Variants in NEBL observed in about 807,000 individuals in gnomAD.
NEBL encodes the protein nebulette, also known as LIM and SH3 protein 2.
In NEBL, 122 loss-of-function variants were observed where a neutral mutation model predicts 140.2. The observed-to-expected ratio is 0.87, with a 90% CI of 0.75 to 1.01. The LOEUF (loss-of-function observed/expected upper bound fraction) is 1.01, where lower values mean the gene tolerates loss of function less well. Among genes scored for constraint, NEBL ranks in the 50% least tolerant of loss-of-function variants. NEBL has a pLI of 0.00. For synonymous variants in NEBL, 436 were observed against 398.9 expected (o/e 1.09, Z -1.11); for missense variants, 1,365 against 1,231.3 (o/e 1.11, Z -1.62).
At chr10:21,239,860 C>G (rs1238739559) in intron 3 of NEBL, among the ~76,000 whole-genome samples, 1 of 151,936 alleles carries the variant, frequency 6.6e-6, no homozygotes, top group Non-Finnish European at 1.5e-5. Context: ...ACTAAAAATA[C>G]AAAAAATTAG....
intron 26 of NEBL, 46 bp from the exon 27 acceptor site, chr10:20,787,354 C>T: frequency 6.9e-7 from 1 of 1,439,734 alleles, no homozygotes; most frequent in Non-Finnish European, 9.7e-7. Flanking sequence ...TAAAGTTAGC[C>T]TCGAAATACC....
intron 2 of NEBL, among the ~76,000 whole-genome samples, chr10:21,044,409 A>AAAT (rs1297969349): frequency 6.8e-6 from 1 of 146,996 alleles, no homozygotes; most frequent in Non-Finnish European, 1.5e-5. Flanking sequence ...AAAAAAAAAA[A>AAAT]AAAAAAAAAA....
At chr10:21,050,725 G>A (rs1589176001) in intron 2 of NEBL, among the ~76,000 whole-genome samples, 1 of 152,140 alleles carries the variant, frequency 6.6e-6, no homozygotes, top group East Asian at 1.9e-4. Context: ...ATGGGTGGGA[G>A]AACAATAGTA....
intron 9 of NEBL, among the ~76,000 whole-genome samples, chr10:20,855,535 A>AAC (rs1564388470): frequency 6.6e-6 from 1 of 151,338 alleles, no homozygotes; most frequent in Admixed American, 6.6e-5. Context: ...CAAAAAAAAA[A>AAC]CGAAGGAAAA....
At chr10:21,035,273 C>T (rs1052393384) in intron 2 of NEBL, among the ~76,000 whole-genome samples, 4 of 152,144 alleles carry the variant, frequency 2.6e-5, no homozygotes, top group African/African-American at 7.2e-5. Context: ...GCTGGGATTA[C>T]AGGCATAAGC....
At chr10:21,239,984 C>G (rs1373659731) in intron 3 of NEBL, among the ~76,000 whole-genome samples, 2 of 151,688 alleles carry the variant, frequency 1.3e-5, no homozygotes, top group South Asian at 4.2e-4. Flanking sequence ...CCACTGCACT[C>G]CAGCCTGGGT....
chr10:20,995,077 G>A (rs1235524651), intron 3 of NEBL, among the ~76,000 whole-genome samples: 3 of 152,222 alleles, frequency 2.0e-5, no homozygotes, highest in African/African-American at 7.2e-5. Context: ...CATTGGGTTG[G>A]AGAAAACACG....
At chr10:21,147,150 C>T (rs542546697) in intron 2 of NEBL, among the ~76,000 whole-genome samples, 3 of 152,238 alleles carry the variant, frequency 2.0e-5, no homozygotes, top group South Asian at 2.1e-4. Context: ...AATGGAGATG[C>T]GTTTAGGACT....
chr10:20,910,609 T>C (rs764124492), intron 4 of NEBL, among the ~76,000 whole-genome samples: 1 of 152,084 alleles, frequency 6.6e-6, no homozygotes, highest in Non-Finnish European at 1.5e-5. Context: ...GGGTGGGCAG[T>C]GGAAAGCATG....
At chr10:21,172,803 A>C (rs753252094) in intron 1 of NEBL, among the ~76,000 whole-genome samples, 2 of 152,140 alleles carry the variant, frequency 1.3e-5, no homozygotes, top group African/African-American at 2.4e-5. Context: ...GGGCCCAGAG[A>C]GTGGCTTCGA....
At chr10:20,883,782 ACTCTTTCTTAAAAAGGCT>A (rs1392834116) in intron 4 of NEBL, among the ~76,000 whole-genome samples, 5 of 152,040 alleles carry the variant, frequency 3.3e-5, no homozygotes, top group African/African-American at 1.2e-4. Context: ...TTTAAAAGGC[ACTCTTTCTTAAAAAGGCT>A]ATGTAATTTT....
At chr10:21,183,312 G>T (rs1216138764) in intron 3 of NEBL, among the ~76,000 whole-genome samples, 1 of 152,176 alleles carries the variant, frequency 6.6e-6, no homozygotes, top group Non-Finnish European at 1.5e-5. Context: ...GTGAAGAAGG[G>T]AAGGAAAGAA....
chr10:21,232,413 G>A lies in NEBL; in HGVS notation n.348+15508C>T, dbSNP rs1038344842. Among the ~76,000 whole-genome samples, 5 of 152,146 alleles carry A rather than the reference G, an allele frequency of 3.3e-5. No individual in the cohort carries two copies. In the South Asian group the frequency reaches 6.2e-4, roughly 19 times the overall value. ...ATGATTCAAACCCATTACATTTATTGTGCACTTTATTTCTGTTATTATTAC... is the reference window on the plus strand; with the variant it reads ...ATGATTCAAACCCATTACATTTATTATGCACTTTATTTCTGTTATTATTAC... On this transcript the variant is annotated intron_variant and non_coding_transcript_variant, in intron 3 of 8. Coordinates refer to the NEBL transcript ENST00000675702.
intron 2 of NEBL, among the ~76,000 whole-genome samples, chr10:20,892,495 G>A (rs1411979988): frequency 1.3e-5 from 2 of 152,022 alleles, no homozygotes; most frequent in African/African-American, 4.8e-5. Flanking sequence ...TGGAGGCTGG[G>A]GAAACAAAAA....
intron 26 of NEBL, among the ~76,000 whole-genome samples, chr10:20,791,853 TGAA>T (rs1184847729): frequency 6.6e-6 from 1 of 151,806 alleles, no homozygotes; most frequent in Non-Finnish European, 1.5e-5. Context: ...GCAGAGTGCG[TGAA>T]AGAAGAGAAT....
chr10:20,944,229 G>A (rs918700842), intron 4 of NEBL, among the ~76,000 whole-genome samples: 11 of 152,016 alleles, frequency 7.2e-5, no homozygotes, highest in East Asian at 1.9e-4. Flanking sequence ...GTGAAACCCC[G>A]TCTCTACTAT....
At chr10:21,031,931 C>T (rs1476901965) in intron 2 of NEBL, among the ~76,000 whole-genome samples, 1 of 152,170 alleles carries the variant, frequency 6.6e-6, no homozygotes, top group Non-Finnish European at 1.5e-5. Flanking sequence ...TAAAGCAAAA[C>T]AGCCTATTAT....
chr10:20,894,837 G>A (rs560417493), intron 2 of NEBL, among the ~76,000 whole-genome samples: 4 of 150,560 alleles, frequency 2.7e-5, no homozygotes, highest in African/African-American at 9.7e-5. Flanking sequence ...GCTGAGGCAG[G>A]AGAATGGCGT....
intron 3 of NEBL, among the ~76,000 whole-genome samples, chr10:20,985,964 A>G (rs1301196676): frequency 6.6e-6 from 1 of 152,214 alleles, no homozygotes; most frequent in African/African-American, 2.4e-5. Context: ...GTTTAAAAAC[A>G]TATCCCTTTA....
Sources: gnomAD v4.1 joint callset for allele counts (sites outside exome capture counted in the v4.1 genomes callset) on GRCh38, gnomAD v4.1.1 for gene constraint, MANE v1.5 for transcripts, NCBI Gene and HGNC (gene_info 2026-07-23, HGNC 2026-07-21) for gene names.